TENM4: variants seen among roughly 807,000 people sequenced by gnomAD.
TENM4 encodes teneurin-4.
A neutral mutation model predicts 243.3 loss-of-function variants in TENM4; 82 were observed. That is an observed-to-expected ratio of 0.34 (90% CI 0.28 to 0.40). TENM4 has a LOEUF of 0.40. Among genes scored for constraint, TENM4 ranks in the 10% least tolerant of loss-of-function variants. The pLI, the probability that TENM4 is intolerant of heterozygous loss-of-function variation, is 1.00. For missense variants in TENM4, 3,138 were observed against 3,673.3 expected (o/e 0.85, Z 3.77); for synonymous variants, 1,412 against 1,456.3 (o/e 0.97, Z 0.69).
At chr11:79,274,031 C>T (rs1856012713) in intron 2 of TENM4, among the ~76,000 whole-genome samples, 1 of 152,186 alleles carries the variant, frequency 6.6e-6, no homozygotes, top group African/African-American at 2.4e-5. Context: ...TCCTCCACGG[C>T]ACCCCACTGT....
chr11:78,746,062 T>G (rs1590988588), intron 19 of TENM4, among the ~76,000 whole-genome samples: 1 of 152,290 alleles, frequency 6.6e-6, no homozygotes, highest in Admixed American at 6.5e-5. Flanking sequence ...AAGAGATTTT[T>G]CTGCCTCAGC....
At chr11:78,786,425 A>G (rs1368074566) in intron 16 of TENM4, among the ~76,000 whole-genome samples, 1 of 152,238 alleles carries the variant, frequency 6.6e-6, no homozygotes, top group Non-Finnish European at 1.5e-5. Flanking sequence ...AAGATAATGC[A>G]TTGGATAATA....
intron 1 of TENM4, among the ~76,000 whole-genome samples, chr11:79,437,877 TAAAG>T (rs1859311326): frequency 6.6e-6 from 1 of 152,052 alleles, no homozygotes; most frequent in Non-Finnish European, 1.5e-5. Context: ...GCAGCCGGGT[TAAAG>T]GCTCCTTCAG....
chr11:78,658,273 C>G lies in TENM4; in HGVS notation c.8095G>C (p.Val2699Leu), dbSNP rs533363061. ...RVLELARQRA[V>L]RQAWAREQQR... is the part of the protein sequence containing the mutation. Reference sequence around the variant, plus strand: ...TGCTCGCGGGCCCACGCTTGGCGCACGGCTCTCTGCCGGGCCAGCTCCAGG... The same window carrying G: ...TGCTCGCGGGCCCACGCTTGGCGCAGGGCTCTCTGCCGGGCCAGCTCCAGG... Residue 2699 changes from valine (V) to leucine (L), a missense_variant, in exon 34 of 34, where the codon GTG (valine) becomes CTG (leucine). Physicochemically the swap from Val to Leu is conservative, Grantham distance 32 (BLOSUM62 1). Transcript: ENST00000278550. 2 of 1,613,070 alleles carry G rather than the reference C, an allele frequency of 1.2e-6. No individual in the cohort carries two copies. Among genetic ancestry groups the G allele is most frequent in the South Asian group, 2.2e-5 (2 of 91,056 alleles).
intron 1 of TENM4, among the ~76,000 whole-genome samples, chr11:79,334,958 A>G (rs1182846816): frequency 6.6e-6 from 1 of 152,118 alleles, no homozygotes; most frequent in Non-Finnish European, 1.5e-5. Flanking sequence ...CCCTCCAACA[A>G]ATGTGTTATT....
chr11:78,886,929 G>A (rs373618449), intron 9 of TENM4, among the ~76,000 whole-genome samples: 3 of 152,142 alleles, frequency 2.0e-5, no homozygotes, highest in Non-Finnish European at 2.9e-5. Flanking sequence ...CTCCACCTAC[G>A]TTGTCAGTGT....
intron 3 of TENM4, among the ~76,000 whole-genome samples, chr11:79,173,118 T>C (rs532513656): frequency 1.3e-5 from 2 of 152,254 alleles, no homozygotes; most frequent in African/African-American, 4.8e-5. Context: ...CTTTGTTCAA[T>C]AAGTATTTGT....
rs551966520 is a variant in TENM4 at position 79,005,206 on chromosome 11, T to A, written c.493+59532A>T. On this transcript the variant is annotated intron_variant, in intron 6 of 33. Coordinates refer to ENST00000278550, the MANE Select transcript of TENM4 (RefSeq NM_001098816.3). The stretch of plus-strand genomic sequence containing the variant: ...GTATAAAGAAGAGTTGATCCATTCC[T>A]ACTGAAACTATTCCAAAAAATTTAG... Among the ~76,000 whole-genome samples, 534 of 152,240 alleles carry A rather than the reference T, an allele frequency of 3.5e-3. 4 individuals are homozygous for A. The highest frequency in any genetic ancestry group is 5.4e-3 in the Non-Finnish European group (364 of 67,992).
At chr11:78,691,161 G>A (rs1379229046) in intron 28 of TENM4, among the ~76,000 whole-genome samples, 2 of 152,162 alleles carry the variant, frequency 1.3e-5, no homozygotes, top group African/African-American at 2.4e-5. Context: ...GCACTGCAGT[G>A]TTGATGTACA....
At chr11:79,268,377 C>G (rs574356749) in intron 2 of TENM4, among the ~76,000 whole-genome samples, 1 of 152,266 alleles carries the variant, frequency 6.6e-6, no homozygotes, top group African/African-American at 2.4e-5. Context: ...AGTTAACTGA[C>G]CCAAGTATAA....
chr11:78,712,379 G>C, intron 26 of TENM4, 103 bp downstream of exon 26: 1 of 1,041,720 alleles, frequency 9.6e-7, no homozygotes, highest in South Asian at 1.6e-5. Flanking sequence ...TATATTTCTT[G>C]GTATTTTCCA....
chr11:78,999,698 A>C (rs1319038518), intron 6 of TENM4, among the ~76,000 whole-genome samples: 3 of 152,170 alleles, frequency 2.0e-5, no homozygotes, highest in African/African-American at 7.2e-5. Flanking sequence ...AGAAACAGGA[A>C]AGTGTGACCC....
intron 4 of TENM4, among the ~76,000 whole-genome samples, chr11:79,121,534 C>G (rs1332767067): frequency 3.3e-5 from 5 of 152,154 alleles, no homozygotes; most frequent in African/African-American, 9.7e-5. Context: ...GCGGAGTAGC[C>G]CAGCTCTTCC....
chr11:78,885,861 G>A (rs1855537106), intron 9 of TENM4, among the ~76,000 whole-genome samples: 1 of 152,190 alleles, frequency 6.6e-6, no homozygotes, highest in Non-Finnish European at 1.5e-5. Context: ...GGAATTCAAG[G>A]CTGCAGTGAG....
At chr11:78,873,506 G>GA (rs1197707509) in intron 9 of TENM4, among the ~76,000 whole-genome samples, 1 of 152,186 alleles carries the variant, frequency 6.6e-6, no homozygotes, top group East Asian at 1.9e-4. Flanking sequence ...CTTCTAATTA[G>GA]AGGTAGAGAC....
chr11:78,770,870 G>T (rs896305121), intron 18 of TENM4, 122 bp downstream of exon 18: 19 of 1,353,238 alleles, frequency 1.4e-5, no homozygotes, highest in Non-Finnish European at 1.8e-5. Context: ...TGCTTGCCCC[G>T]CAGGTCCCCC....
intron 6 of TENM4, among the ~76,000 whole-genome samples, chr11:79,060,152 T>C (rs373791654): frequency 6.6e-6 from 1 of 152,072 alleles, no homozygotes; most frequent in African/African-American, 2.4e-5. Context: ...AAAACATCTA[T>C]TGCATGCCGA....
chr11:79,211,998 G>T (rs1863964752), intron 3 of TENM4, among the ~76,000 whole-genome samples: 1 of 152,166 alleles, frequency 6.6e-6, no homozygotes, highest in African/African-American at 2.4e-5. Context: ...TTTGTATATG[G>T]TGTGAGGAAA....
intron 4 of TENM4, among the ~76,000 whole-genome samples, chr11:79,148,185 C>T (rs1010535568): frequency 6.6e-6 from 1 of 152,192 alleles, no homozygotes; most frequent in South Asian, 2.1e-4. Context: ...TTGAAACCAA[C>T]TTATGAGAAA....
Sources: allele counts gnomAD v4.1 joint callset (sites outside exome capture counted in the v4.1 genomes callset), GRCh38; gene constraint gnomAD v4.1.1; transcripts MANE v1.5; gene names NCBI Gene and HGNC (gene_info 2026-07-23, HGNC 2026-07-21).